IQSEC2: variants seen among roughly 807,000 people sequenced by gnomAD.
IQSEC2 encodes the protein IQ motif and Sec7 domain ArfGEF 2.
Under a neutral mutation model 74.6 loss-of-function variants are expected in IQSEC2, and 6 were observed. That is an observed-to-expected ratio of 0.08 (90% confidence interval 0.04 to 0.16). IQSEC2 has a LOEUF of 0.16. Ranked by LOEUF, IQSEC2 falls within the 10% of genes least tolerant of loss-of-function variation. The probability of loss-of-function intolerance (pLI) is 1.00; values close to 1 mark genes in which losing one functional copy is unlikely to be tolerated. For missense variants in IQSEC2, 734 were observed against 1,306.2 expected, an observed-to-expected ratio of 0.56 and a Z score of 6.75; for synonymous variants, 494 against 544.5, an observed-to-expected ratio of 0.91 and a Z score of 1.29.
chrX:53,252,045 C>G (rs2074398325), intron 4 of IQSEC2, among the ~76,000 whole-genome samples: 2 of 112,296 alleles, frequency 1.8e-5, no homozygotes, highest in Non-Finnish European at 3.8e-5. Context: ...GGCAACAGAG[C>G]AAGATACTGT....
At chrX:53,265,791 C>T (rs782726440) in intron 2 of IQSEC2, among the ~76,000 whole-genome samples, 1 of 111,895 alleles carries the variant, frequency 8.9e-6, no homozygotes, top group East Asian at 2.8e-4. Context: ...ATTCAGAGAT[C>T]CCTAAAGTTG....
In IQSEC2 at chrX:53,235,047, C is replaced by T. The variant is rs1382603337; in HGVS notation, c.3639G>A (p.Arg1213=). 8.6e-7 allele frequency: 1 copy of T among 1,161,366 alleles called. No homozygotes were observed. The highest frequency in any genetic ancestry group is 1.8e-5 in the African/African-American group (1 of 54,277). ...SFLGSLFGSK[R]GKGPFQMPPP... Reference sequence around the variant, plus strand: ...GTGGCATCTGGAAGGGCCCCTTGCCCCGCTTGCTTCCAAATAGGGAGCCCA... The same window carrying T: ...GTGGCATCTGGAAGGGCCCCTTGCCTCGCTTGCTTCCAAATAGGGAGCCCA... The change falls in exon 15 of 15, where the codon CGG becomes CGA. Residue 1213 remains arginine (R), a synonymous_variant. Transcript: ENST00000642864.
Position 53,320,724 on chromosome X carries a change from C to T in IQSEC2, c.400G>A (p.Glu134Lys), listed in dbSNP as rs1556880168. ...TGGAGCGGGTAGGAGGCGTCCCGCT[C>T]CTTGTCCCGATACACAGCCTCCCGA... The part of the protein sequence containing the change: ...QNREAVYRDK[E>K]RDASYPLQDT... Residue 134 changes from glutamate (E) to lysine (K), a missense_variant, in exon 1 of 15, where the codon GAG (glutamate) becomes AAG (lysine). This residue lies in a region of IQSEC2 where 134 missense variants were observed against 214.9 expected (regional missense o/e 0.62). Coordinates refer to ENST00000642864, the MANE Select transcript of IQSEC2 (RefSeq NM_001111125.3). The T allele has an allele frequency of 8.6e-7, 1 of 1,167,609 alleles. No homozygotes were observed. The highest frequency in any genetic ancestry group is 1.1e-6 in the Non-Finnish European group (1 of 872,919).
chrX:53,255,733 C>T, intron 3 of IQSEC2, 67 bp downstream of exon 3: 2 of 1,171,410 alleles, frequency 1.7e-6, no homozygotes, highest in South Asian at 1.8e-5. Flanking sequence ...AGAGCCACAT[C>T]CCAAACCCTC....
chrX:53,286,670 G>A (rs2075029404), intron 2 of IQSEC2, among the ~76,000 whole-genome samples: 1 of 111,406 alleles, frequency 9.0e-6, no homozygotes, highest in Non-Finnish European at 1.9e-5. Flanking sequence ...GGCTGGGCGC[G>A]GTGGCTCACA....
Position 53,320,483 on chromosome X carries a change from C to G in IQSEC2, c.641G>C (p.Ser214Thr). The G allele has an allele frequency of 2.6e-6, 3 of 1,165,233 alleles. No homozygotes were observed. Among genetic ancestry groups the G allele is most frequent in the Non-Finnish European group, 3.4e-6 (3 of 872,199 alleles). ...QLSRGASRSS[S>T]PGAGGGHSTS... ...GCTGTGGCCTCCGCCGGCGCCGGGA[C>G]TGGAGCTCCTGGATGCGCCACGGCT... Residue 214 changes from serine (S) to threonine (T), a missense_variant, in exon 1 of 15, where the codon AGT becomes ACT. Ser to Thr is a moderately conservative substitution (Grantham distance 58). This residue lies in a region of IQSEC2 where 134 missense variants were observed against 214.9 expected (regional missense o/e 0.62). Coordinates refer to ENST00000642864, the MANE Select transcript of IQSEC2 (RefSeq NM_001111125.3).
intron 1 of IQSEC2, among the ~76,000 whole-genome samples, chrX:53,312,864 A>G (rs1556878283): frequency 1.1e-4 from 12 of 112,468 alleles, no homozygotes. Context: ...AGTATGCTGT[A>G]TCCTGGAATC....
At chrX:53,236,211 G>C in intron 13 of IQSEC2, 111 bp downstream of exon 13, 1 of 862,481 alleles carries the variant, frequency 1.2e-6, no homozygotes. Context: ...GTGAAGGCAG[G>C]GTGCGTGCAT....
At chrX:53,228,815 A>G (rs1556858058), downstream of IQSEC2, 1 of 112,312 alleles carries the variant, frequency 8.9e-6, no homozygotes, top group Non-Finnish European at 1.9e-5. Context: ...CTCATGGTTT[A>G]TTAGACAGAG....
At chrX:53,256,126 G>A in intron 2 of IQSEC2, 65 bp from the exon 3 acceptor site, 1 of 1,010,236 alleles carries the variant, frequency 9.9e-7, no homozygotes, top group Non-Finnish European at 1.3e-6. Context: ...GGGCCATACT[G>A]AGAGTGGGTG....
At chrX:53,307,293 TTC>T (rs2075273590) in intron 1 of IQSEC2, among the ~76,000 whole-genome samples, 1 of 70,574 alleles carries the variant, frequency 1.4e-5, no homozygotes, top group Non-Finnish European at 2.9e-5. Flanking sequence ...CTTTCTTTCT[TTC>T]TTTTTTTTTT....
chrX:53,280,986 T>G (rs1556870748), intron 2 of IQSEC2, among the ~76,000 whole-genome samples: 2 of 112,357 alleles, frequency 1.8e-5, no homozygotes, highest in African/African-American at 6.5e-5. Flanking sequence ...GCTGCGAATT[T>G]GAGGATGTCC....
intron 1 of IQSEC2, 80 bp downstream of exon 1, chrX:53,320,337 T>C (rs1278452504): frequency 1.1e-6 from 1 of 916,715 alleles, no homozygotes; most frequent in Non-Finnish European, 1.5e-6. Flanking sequence ...AACCAGACAC[T>C]GGCTTCTTAC....
chrX:53,258,855 A>G (rs1556865838), intron 2 of IQSEC2, among the ~76,000 whole-genome samples: 1 of 52,156 alleles, frequency 1.9e-5, no homozygotes, highest in African/African-American at 6.2e-5. Flanking sequence ...AAACAAACAA[A>G]CAAACAAACA....
chrX:53,249,002 A>G, intron 5 of IQSEC2, 120 bp from the exon 6 acceptor site: 1 of 681,131 alleles, frequency 1.5e-6, no homozygotes. Flanking sequence ...ACGAAGTCAA[A>G]TACATAATTT....
intron 2 of IQSEC2, among the ~76,000 whole-genome samples, chrX:53,261,566 A>G (rs1310937324): frequency 9.0e-6 from 1 of 110,681 alleles, no homozygotes; most frequent in African/African-American, 3.3e-5. Context: ...AGACACATGC[A>G]AAGGCAGACA....
At chrX:53,320,391 C>T (rs782675744) in intron 1 of IQSEC2, 26 bp downstream of exon 1, 2 of 1,121,672 alleles carry the variant, frequency 1.8e-6, no homozygotes, top group African/African-American at 3.7e-5. Context: ...AGGGAAGAGC[C>T]GGGGGTACAA....
At chrX:53,280,231 G>A (rs1320553462) in intron 2 of IQSEC2, among the ~76,000 whole-genome samples, 4 of 94,646 alleles carry the variant, frequency 4.2e-5, no homozygotes, top group African/African-American at 1.6e-4. Flanking sequence ...ATGCATGGGG[G>A]CTCCCCTTAG....
chrX:53,266,669 G>A (rs1197897690), intron 2 of IQSEC2: 12 of 875,300 alleles, frequency 1.4e-5, no homozygotes, highest in Non-Finnish European at 1.7e-5. Context: ...GGGAGTGCGG[G>A]TACGGGAGGA....
Sources: gnomAD v4.1 joint callset for allele counts (sites outside exome capture counted in the v4.1 genomes callset) on GRCh38, gnomAD v4.1.1 for gene constraint, gnomAD v4.1.1 regional missense constraint, MANE v1.5 for transcripts, NCBI Gene and HGNC (gene_info 2026-07-23, HGNC 2026-07-21) for gene names.